The following ZNF521 variants were observed in gnomAD, a reference collection of about 807,000 sequenced individuals.
ZNF521 encodes the protein LYST-interacting protein 3.
In ZNF521, 14 loss-of-function variants were observed where a neutral mutation model predicts 105.5. That is an observed-to-expected ratio of 0.13 (90% CI 0.09 to 0.21). ZNF521 has a LOEUF of 0.21. Ranked by LOEUF, ZNF521 falls within the 10% of genes least tolerant of loss-of-function variation. The pLI is 1.00. For synonymous variants in ZNF521, 635 were observed against 606.0 expected (o/e 1.05, Z -0.70); for missense variants, 1,233 against 1,629.7 (o/e 0.76, Z 4.19).
intron 5 of ZNF521, among the ~76,000 whole-genome samples, chr18:25,094,247 C>A (rs1438821758): frequency 6.6e-6 from 1 of 152,008 alleles, no homozygotes. Flanking sequence ...TATTATCTTT[C>A]TTGACTATGA....
intron 3 of ZNF521, among the ~76,000 whole-genome samples, chr18:25,309,347 T>C (rs1364111596): frequency 6.6e-6 from 1 of 152,162 alleles, no homozygotes; most frequent in Non-Finnish European, 1.5e-5. Context: ...AGAGACACTT[T>C]GGTGGAAAAA....
Position 25,062,034 on chromosome 18 carries a change from T to C in ZNF521, c.*678A>G, listed in dbSNP as rs1599948569. The C allele has an allele frequency of 1.0e-5, 2 of 194,412 alleles. No individual in the cohort carries two copies. Among genetic ancestry groups the C allele is most frequent in the East Asian group, 1.6e-4 (2 of 12,352 alleles). 12.0% of individuals were successfully genotyped at this position (194,412 alleles called of 1,614,324 possible). A position where few individuals can be genotyped will look rare whatever the true frequency, so the allele number is the denominator to read the frequency against. On this transcript the variant is annotated 3_prime_UTR_variant, in exon 8 of 8. Coordinates refer to ENST00000361524, the MANE Select transcript of ZNF521 (RefSeq NM_015461.3). ...GTAACATACAGGTTAGTTCAACTGA[T>C]TCAAGAATTTGGCTGCGTGAAATCA...
intron 2 of ZNF521, among the ~76,000 whole-genome samples, chr18:25,330,637 C>T (rs1913514182): frequency 6.6e-6 from 1 of 152,164 alleles, no homozygotes; most frequent in South Asian, 2.1e-4. Flanking sequence ...GACATTGATT[C>T]TAATATCTCT....
At chr18:25,342,507 A>C (rs80184075) in intron 2 of ZNF521, among the ~76,000 whole-genome samples, 20,265 of 124,040 alleles carry the variant, frequency 0.16, 2,300 homozygotes, top group Admixed American at 0.2. Context: ...TGGCTCACTG[A>C]AAGCTCCGCC....
At chr18:25,304,886 C>T (rs185760299) in intron 3 of ZNF521, among the ~76,000 whole-genome samples, 192 of 152,290 alleles carry the variant, frequency 1.3e-3, no homozygotes, top group African/African-American at 2.6e-3. Flanking sequence ...CATGTGTTTA[C>T]GCTTGCCTTA....
chr18:25,065,030 G>A (rs568701649), intron 7 of ZNF521, among the ~76,000 whole-genome samples: 32 of 152,254 alleles, frequency 2.1e-4, no homozygotes, highest in African/African-American at 7.0e-4. Flanking sequence ...TAATGAGACC[G>A]AAAAACTTTG....
intron 3 of ZNF521, among the ~76,000 whole-genome samples, chr18:25,300,374 T>C (rs1244567190): frequency 6.6e-6 from 1 of 152,236 alleles, no homozygotes; most frequent in Admixed American, 6.5e-5. Context: ...TAACAATTTC[T>C]ATAGTACTTT....
In ZNF521 at chr18:25,133,512, C is replaced by G. The variant is rs140050678; in HGVS notation, c.3659-41431G>C. Among the ~76,000 whole-genome samples the G allele has an allele frequency of 1.8e-4, 28 of 152,248 alleles. No individual in the cohort carries two copies. The East Asian group carries it at 4.1e-3, about 22-fold the overall frequency. ...TTCTTTTCTCTTTCACCCACATAACCATTTATCATCTGATTATAGACATAT... is the reference window on the plus strand; with the variant it reads ...TTCTTTTCTCTTTCACCCACATAACGATTTATCATCTGATTATAGACATAT... On this transcript the variant is annotated intron_variant, in intron 5 of 7. Coordinates refer to ENST00000361524, the MANE Select transcript of ZNF521 (RefSeq NM_015461.3).
At chr18:25,274,828 T>C (rs910024684) in intron 3 of ZNF521, among the ~76,000 whole-genome samples, 2 of 152,172 alleles carry the variant, frequency 1.3e-5, no homozygotes, top group African/African-American at 2.4e-5. Context: ...TATCTTAAAG[T>C]ATGTTGTGGG....
intron 5 of ZNF521, among the ~76,000 whole-genome samples, chr18:25,179,824 GGGT>G (rs1235116248): frequency 3.3e-5 from 5 of 152,118 alleles, no homozygotes; most frequent in African/African-American, 1.2e-4. Context: ...GACTGACGGT[GGGT>G]ACATGTCCAC....
chr18:25,125,989 CCTCATAAAT>C (rs2034532481), intron 5 of ZNF521, among the ~76,000 whole-genome samples: 1 of 151,958 alleles, frequency 6.6e-6, no homozygotes, highest in Non-Finnish European at 1.5e-5. Flanking sequence ...CTTCAATGGT[CCTCATAAAT>C]GTTATGTTTG....
chr18:25,157,689 T>A (rs2035172554), intron 5 of ZNF521, among the ~76,000 whole-genome samples: 1 of 152,154 alleles, frequency 6.6e-6, no homozygotes, highest in Non-Finnish European at 1.5e-5. Flanking sequence ...TCTCTGAACT[T>A]CCAAACTGCT....
chr18:25,079,608 AG>A (rs1555631876), intron 7 of ZNF521, among the ~76,000 whole-genome samples: 3 of 810 alleles, frequency 3.7e-3, no homozygotes, highest in Non-Finnish European at 0.035. Flanking sequence ...AGTAAGAGAG[AG>A]AGAGAGAGAG....
At chr18:25,229,794 C>T (rs1450543582) in intron 3 of ZNF521, among the ~76,000 whole-genome samples, 1 of 152,128 alleles carries the variant, frequency 6.6e-6, no homozygotes, top group Non-Finnish European at 1.5e-5. Context: ...CTCATTTATA[C>T]ATTTGGGGAA....
chr18:25,109,372 T>C (rs994557739), intron 5 of ZNF521, among the ~76,000 whole-genome samples: 2 of 152,208 alleles, frequency 1.3e-5, no homozygotes, highest in South Asian at 2.1e-4. Context: ...GGCATTTAGG[T>C]TGATTCCATT....
Position 25,296,797 on chromosome 18 carries a change from G to C in ZNF521, c.220+25211C>G, listed in dbSNP as rs1359731738. On this transcript the variant is annotated intron_variant, in intron 3 of 7. Coordinates refer to ENST00000361524, the MANE Select transcript of ZNF521 (RefSeq NM_015461.3). ...TTTGGTGCTTATTTATATTCTCTAGGATGTATCTCTCTATATTTTGCTGTG... is the reference window on the plus strand; with the variant it reads ...TTTGGTGCTTATTTATATTCTCTAGCATGTATCTCTCTATATTTTGCTGTG... 2.0e-5 allele frequency among the ~76,000 whole-genome samples: 3 copies of C among 151,968 alleles called. No individual in the cohort carries two copies. In the East Asian group the frequency reaches 5.8e-4, roughly 29 times the overall value.
intron 3 of ZNF521, among the ~76,000 whole-genome samples, chr18:25,304,805 C>G (rs1911878611): frequency 1.3e-5 from 2 of 152,178 alleles, no homozygotes; most frequent in Admixed American, 1.3e-4. Flanking sequence ...ATTAGCCATT[C>G]TGGTATATAA....
intron 4 of ZNF521, among the ~76,000 whole-genome samples, chr18:25,222,412 T>C (rs1568017337): frequency 6.6e-6 from 1 of 152,204 alleles, no homozygotes; most frequent in Non-Finnish European, 1.5e-5. Flanking sequence ...GATGTTATTA[T>C]AATTACAGCA....
At chr18:25,264,459 T>A (rs1184495186) in intron 3 of ZNF521, among the ~76,000 whole-genome samples, 1 of 152,236 alleles carries the variant, frequency 6.6e-6, no homozygotes, top group Non-Finnish European at 1.5e-5. Context: ...GAAATTATTT[T>A]CACTGGGATC....
Sources: allele counts gnomAD v4.1 joint callset (sites outside exome capture counted in the v4.1 genomes callset), GRCh38; gene constraint gnomAD v4.1.1; transcripts MANE v1.5; gene names NCBI Gene and HGNC (gene_info 2026-07-23, HGNC 2026-07-21).